CMSS1: variants seen among roughly 807,000 people sequenced by gnomAD.
The protein encoded by CMSS1 is cms1 ribosomal small subunit homolog.
Under a neutral mutation model 43.5 loss-of-function variants are expected in CMSS1, and 33 were observed. The observed-to-expected ratio is 0.76, with a 90% CI of 0.57 to 1.01. The LOEUF is 1.01. Ranked by LOEUF, CMSS1 falls within the 50% of genes least tolerant of loss-of-function variation. The pLI is 0.00. For missense variants in CMSS1, 313 were observed against 326.4 expected (o/e 0.96, Z 0.32); for synonymous variants, 115 against 117.2 (o/e 0.98, Z 0.12).
chr3:100,132,154 G>A (rs1315657881), intron 1 of CMSS1, among the ~76,000 whole-genome samples: 7 of 151,822 alleles, frequency 4.6e-5, no homozygotes, highest in East Asian at 3.9e-4. Flanking sequence ...GCCTGTAATC[G>A]CAGTGCTTTG....
At chr3:99,894,842 C>T (rs1024763768) in intron 1 of CMSS1, among the ~76,000 whole-genome samples, 7 of 152,130 alleles carry the variant, frequency 4.6e-5, no homozygotes, top group Non-Finnish European at 7.4e-5. Flanking sequence ...TATTACAGTA[C>T]GGAGTAGAGA....
chr3:100,121,112 C>A (rs1031406749), intron 1 of CMSS1, among the ~76,000 whole-genome samples: 45 of 152,146 alleles, frequency 3.0e-4, no homozygotes, highest in Admixed American at 2.2e-3. Context: ...TTTTTTAATT[C>A]TTTAAGTTCT....
chr3:99,873,736 G>A (rs1338307374), intron 1 of CMSS1, among the ~76,000 whole-genome samples: 1 of 152,096 alleles, frequency 6.6e-6, no homozygotes, highest in African/African-American at 2.4e-5. Flanking sequence ...CAAATTAATG[G>A]GAACTGCAAG....
intron 1 of CMSS1, among the ~76,000 whole-genome samples, chr3:100,075,027 C>T (rs1297556489): frequency 6.6e-6 from 1 of 151,644 alleles, no homozygotes; most frequent in Non-Finnish European, 1.5e-5. Flanking sequence ...TTTTTATAAA[C>T]CTTTGTTTGT....
intron 1 of CMSS1, among the ~76,000 whole-genome samples, chr3:99,885,488 T>C (rs1057374838): frequency 2.6e-5 from 4 of 152,174 alleles, no homozygotes; most frequent in African/African-American, 7.2e-5. Flanking sequence ...TGGCAAAAAA[T>C]AAAATTTCTT....
intron 1 of CMSS1, among the ~76,000 whole-genome samples, chr3:99,905,863 T>C (rs1371388997): frequency 2.0e-5 from 3 of 152,260 alleles, no homozygotes; most frequent in Admixed American, 1.3e-4. Flanking sequence ...AAACTCTAGT[T>C]GCTTCACTTC....
At chr3:100,102,083 G>A (rs1195628658) in intron 1 of CMSS1, among the ~76,000 whole-genome samples, 2 of 152,118 alleles carry the variant, frequency 1.3e-5, no homozygotes, top group Non-Finnish European at 2.9e-5. Context: ...ATAAACATAC[G>A]TGTGCATGTG....
At chr3:99,941,136 C>G (rs190676202) in intron 1 of CMSS1, among the ~76,000 whole-genome samples, 1 of 152,272 alleles carries the variant, frequency 6.6e-6, no homozygotes, top group East Asian at 1.9e-4. Flanking sequence ...ACTAACTTTT[C>G]TAAAGCTTCT....
chr3:99,967,691 C>T (rs1708695090), intron 1 of CMSS1, among the ~76,000 whole-genome samples: 1 of 152,150 alleles, frequency 6.6e-6, no homozygotes, highest in Admixed American at 6.5e-5. Context: ...TGAAAGACAC[C>T]TGAGAAATCT....
At chr3:100,157,783 G>A (rs2066988805) in intron 2 of CMSS1, among the ~76,000 whole-genome samples, 1 of 152,212 alleles carries the variant, frequency 6.6e-6, no homozygotes, top group Admixed American at 6.5e-5. Context: ...GCAGTAATGG[G>A]ATAGTTGCTT....
rs373793440 is a variant in CMSS1 at position 99,956,760 on chromosome 3, C to T, written c.64+138717C>T. On this transcript the variant is annotated intron_variant, in intron 1 of 9. Coordinates refer to ENST00000421999, the MANE Select transcript of CMSS1 (RefSeq NM_032359.4). ...CTCACTATTGGTTCTTTTTCCACAA[C>T]TTTATAACACGCCCAGTGGTCCCAC... is the stretch of plus-strand genomic sequence containing the variant. Among the ~76,000 whole-genome samples the T allele has an allele frequency of 4.6e-5, 7 of 152,324 alleles. No individual in the cohort carries two copies. The South Asian group carries it at 1.4e-3, about 32-fold the overall frequency.
Position 99,886,994 on chromosome 3 carries a change from G to A in CMSS1, c.64+68951G>A, listed in dbSNP as rs545485866. ...CAAAAAAAAAAAAAAAGTACTGGCC[G>A]GGTGTGGTGGCTCATGCCTGTAATC... On this transcript the variant is annotated intron_variant, in intron 1 of 9. Transcript: ENST00000421999. Among the ~76,000 whole-genome samples, 13 of 143,076 alleles carry A rather than the reference G, an allele frequency of 9.1e-5. No individual in the cohort carries two copies. In the South Asian group the frequency reaches 1.4e-3, roughly 15 times the overall value. 93.9% of individuals were successfully genotyped at this position (143,076 alleles called of 152,430 possible).
chr3:99,900,369 T>C (rs1463290125), intron 1 of CMSS1, among the ~76,000 whole-genome samples: 2 of 152,210 alleles, frequency 1.3e-5, no homozygotes, highest in Non-Finnish European at 2.9e-5. Flanking sequence ...ACCCTTTATA[T>C]TGATATAAAT....
intron 1 of CMSS1, among the ~76,000 whole-genome samples, chr3:100,037,113 C>G (rs1471300840): frequency 6.6e-6 from 1 of 151,452 alleles, no homozygotes; most frequent in Non-Finnish European, 1.5e-5. Flanking sequence ...AGTATTGGGA[C>G]AATTGGTAAA....
intron 1 of CMSS1, among the ~76,000 whole-genome samples, chr3:100,016,780 C>G (rs970862442): frequency 6.6e-6 from 1 of 152,186 alleles, no homozygotes; most frequent in African/African-American, 2.4e-5. Context: ...TTGCTATAAA[C>G]TTATAAAGCA....
At chr3:99,950,233 T>C (rs1361239107) in intron 1 of CMSS1, among the ~76,000 whole-genome samples, 1 of 152,220 alleles carries the variant, frequency 6.6e-6, no homozygotes, top group East Asian at 1.9e-4. Flanking sequence ...TTTCTCTGTG[T>C]CCATGCTATG....
intron 1 of CMSS1, among the ~76,000 whole-genome samples, chr3:99,865,755 A>AAT (rs57042892): frequency 0.022 from 3,219 of 149,626 alleles, 67 homozygotes; most frequent in African/African-American, 0.055. Flanking sequence ...CATAATAATA[A>AAT]ATATATATAT....
At chr3:100,155,644 G>A (rs1048415660) in intron 2 of CMSS1, among the ~76,000 whole-genome samples, 1 of 152,128 alleles carries the variant, frequency 6.6e-6, no homozygotes, top group African/African-American at 2.4e-5. Context: ...CCTTTTGTTT[G>A]GTTTCACCCT....
chr3:99,925,043 G>C (rs1207987854), intron 1 of CMSS1, among the ~76,000 whole-genome samples: 2 of 152,114 alleles, frequency 1.3e-5, no homozygotes, highest in Admixed American at 1.3e-4. Context: ...GGAAGTAAGA[G>C]AATCCTTGCA....
Sources: gnomAD v4.1 joint callset for allele counts (sites outside exome capture counted in the v4.1 genomes callset) on GRCh38, gnomAD v4.1.1 for gene constraint, MANE v1.5 for transcripts, NCBI Gene and HGNC (gene_info 2026-07-23, HGNC 2026-07-21) for gene names.